The following PTPRD variants were observed in gnomAD, a reference collection of about 807,000 sequenced individuals.
PTPRD encodes protein tyrosine phosphatase receptor type D.
In PTPRD, 34 loss-of-function variants were observed where a neutral mutation model predicts 214.5. That is an observed-to-expected ratio of 0.16 (90% CI 0.12 to 0.21). The LOEUF (loss-of-function observed/expected upper bound fraction) is 0.21, where lower values mean the gene tolerates loss of function less well. PTPRD is among the 10% of genes least tolerant of loss of function. The probability of loss-of-function intolerance (pLI) is 1.00; values close to 1 mark genes in which losing one functional copy is unlikely to be tolerated. For synonymous variants in PTPRD, 1,128 were observed against 845.7 expected, an observed-to-expected ratio of 1.33 and a Z score of -5.79; for missense variants, 2,545 against 2,398.7, an observed-to-expected ratio of 1.06 and a Z score of -1.27.
At chr9:9,784,467 A>G (rs1272636535) in intron 5 of PTPRD, among the ~76,000 whole-genome samples, 1 of 152,116 alleles carries the variant, frequency 6.6e-6, no homozygotes, top group African/African-American at 2.4e-5. Flanking sequence ...CTAATCTCAC[A>G]TTCTAGAACT....
chr9:8,479,564 T>C (rs2135490221), intron 30 of PTPRD, among the ~76,000 whole-genome samples: 1 of 152,206 alleles, frequency 6.6e-6, no homozygotes, highest in East Asian at 1.9e-4. Context: ...AAATAAAAAC[T>C]GACAAAGGTA....
chr9:10,523,873 T>C (rs969749819), intron 2 of PTPRD, among the ~76,000 whole-genome samples: 47 of 151,850 alleles, frequency 3.1e-4, no homozygotes, highest in African/African-American at 1.1e-3. Context: ...ATTTAATTAA[T>C]AAAATGTAAA....
intron 3 of PTPRD, among the ~76,000 whole-genome samples, chr9:10,260,312 A>G (rs1271928585): frequency 6.6e-6 from 1 of 152,168 alleles, no homozygotes; most frequent in African/African-American, 2.4e-5. Context: ...ACACAGAGAT[A>G]TAATGTTAAA....
At chr9:8,859,357 A>C (rs2098045026) in intron 11 of PTPRD, among the ~76,000 whole-genome samples, 1 of 152,194 alleles carries the variant, frequency 6.6e-6, no homozygotes, top group South Asian at 2.1e-4. Context: ...TTGTTAGCTA[A>C]GAGATGGATT....
chr9:10,594,755 A>G (rs2076244678), intron 2 of PTPRD, among the ~76,000 whole-genome samples: 1 of 151,994 alleles, frequency 6.6e-6, no homozygotes, highest in South Asian at 2.1e-4. Flanking sequence ...CAAGAAATCT[A>G]CTGGTTCAAA....
intron 11 of PTPRD, among the ~76,000 whole-genome samples, chr9:8,967,563 C>T (rs1433552): frequency 0.39 from 59,196 of 151,868 alleles, 12,132 homozygotes; most frequent in East Asian, 0.5. Flanking sequence ...AGCGAATTAA[C>T]ACACCAAATC....
At chr9:9,528,140 A>G (rs2074574325) in intron 8 of PTPRD, among the ~76,000 whole-genome samples, 1 of 152,210 alleles carries the variant, frequency 6.6e-6, no homozygotes. Flanking sequence ...AGGGCAGAGT[A>G]AGAGAGAGGA....
At chr9:10,229,837 A>C (rs1333473310) in intron 3 of PTPRD, among the ~76,000 whole-genome samples, 1 of 151,976 alleles carries the variant, frequency 6.6e-6, no homozygotes, top group Non-Finnish European at 1.5e-5. Flanking sequence ...ATGTACCCTA[A>C]AACTTAAAGT....
intron 11 of PTPRD, among the ~76,000 whole-genome samples, chr9:8,961,611 C>G (rs2099159189): frequency 6.6e-6 from 1 of 152,110 alleles, no homozygotes; most frequent in Non-Finnish European, 1.5e-5. Context: ...ATTAACTGAG[C>G]AACCACTGTG....
At chr9:9,291,904 A>C (rs561255834) in intron 9 of PTPRD, among the ~76,000 whole-genome samples, 1 of 150,686 alleles carries the variant, frequency 6.6e-6, no homozygotes, top group East Asian at 2.0e-4. Flanking sequence ...ATATATATAT[A>C]TATCTCAAAT....
chr9:9,871,824 G>C (rs1286413913), intron 5 of PTPRD, among the ~76,000 whole-genome samples: 1 of 152,188 alleles, frequency 6.6e-6, no homozygotes, highest in Non-Finnish European at 1.5e-5. Context: ...TTCTGGAAAG[G>C]GGCCTGGGGG....
At chr9:10,033,180 G>T (rs1055306911) in intron 4 of PTPRD, among the ~76,000 whole-genome samples, 1 of 151,598 alleles carries the variant, frequency 6.6e-6, no homozygotes, top group Admixed American at 6.6e-5. Context: ...ATGAGAGAGA[G>T]AGAGTTGGCA....
chr9:10,537,406 G>C (rs550305869), intron 2 of PTPRD, among the ~76,000 whole-genome samples: 2 of 152,136 alleles, frequency 1.3e-5, no homozygotes, highest in Non-Finnish European at 2.9e-5. Context: ...CTGTTAATTT[G>C]TGTTGTACTT....
At chr9:8,510,053 T>G (rs1466333908) in intron 21 of PTPRD, among the ~76,000 whole-genome samples, 1 of 151,916 alleles carries the variant, frequency 6.6e-6, no homozygotes, top group Non-Finnish European at 1.5e-5. Context: ...GGAGGCCAAG[T>G]TGGGAGGATG....
intron 3 of PTPRD, among the ~76,000 whole-genome samples, chr9:10,038,506 A>T (rs981464974): frequency 6.6e-6 from 1 of 152,064 alleles, no homozygotes; most frequent in African/African-American, 2.4e-5. Flanking sequence ...TGTATCTTAC[A>T]CTTCTGATAT....
At chr9:8,347,779 T>C (rs983086873) in intron 39 of PTPRD, among the ~76,000 whole-genome samples, 3 of 152,132 alleles carry the variant, frequency 2.0e-5, no homozygotes, top group Non-Finnish European at 4.4e-5. Flanking sequence ...TCTCTATGCA[T>C]ACACAGAGGA....
At chr9:8,439,858 C>A (rs2095483322) in intron 34 of PTPRD, among the ~76,000 whole-genome samples, 1 of 151,484 alleles carries the variant, frequency 6.6e-6, no homozygotes, top group African/African-American at 2.4e-5. Context: ...GTCTGGCAAC[C>A]TGACCACTGC....
intron 33 of PTPRD, among the ~76,000 whole-genome samples, chr9:8,452,975 T>C (rs1347246747): frequency 6.6e-6 from 1 of 152,180 alleles, no homozygotes; most frequent in Non-Finnish European, 1.5e-5. Flanking sequence ...AGTAAATCAA[T>C]CAAAATATTT....
chr9:9,265,530 A>G (rs554474218), intron 9 of PTPRD, among the ~76,000 whole-genome samples: 2 of 151,696 alleles, frequency 1.3e-5, no homozygotes, highest in South Asian at 4.1e-4. Context: ...AAGCACTAGT[A>G]TTAAACACAT....
Sources: allele counts gnomAD v4.1 joint callset (sites outside exome capture counted in the v4.1 genomes callset), GRCh38; gene constraint gnomAD v4.1.1; transcripts MANE v1.5; gene names NCBI Gene and HGNC (gene_info 2026-07-23, HGNC 2026-07-21).